HTR7: variants seen among roughly 807,000 people sequenced by gnomAD.
HTR7 encodes 5-HT-7.
A neutral mutation model predicts 34.0 loss-of-function variants in HTR7; 16 were observed. The observed-to-expected ratio is 0.47, with a 90% confidence interval of 0.32 to 0.71. The LOEUF is 0.71. HTR7 is among the 30% of genes least tolerant of loss of function. HTR7 has a pLI of 0.04. For missense variants in HTR7, 504 were observed against 625.5 expected (o/e 0.81, Z 2.07); for synonymous variants, 265 against 260.2 (o/e 1.02, Z -0.18).
At chr10:90,849,363 G>A (rs937943251) in intron 1 of HTR7, among the ~76,000 whole-genome samples, 1 of 151,974 alleles carries the variant, frequency 6.6e-6, no homozygotes, top group Non-Finnish European at 1.5e-5. Context: ...TCAATCTAGA[G>A]GGTTAAACAC....
At chr10:90,743,917 G>A (rs1161152741) in intron 2 of HTR7, 2 of 673,980 alleles carry the variant, frequency 3.0e-6, no homozygotes, top group East Asian at 3.0e-5. Flanking sequence ...AAATTTTCGA[G>A]TGCCTGATGA....
At chr10:90,747,056 G>A (rs187397279) in intron 2 of HTR7, among the ~76,000 whole-genome samples, 24 of 152,196 alleles carry the variant, frequency 1.6e-4, no homozygotes, top group Admixed American at 1.3e-3. Flanking sequence ...TACAAGCATC[G>A]GGGTGATTCA....
Position 90,835,223 on chromosome 10 carries a change from A to C in HTR7, c.539+21910T>G, listed in dbSNP as rs181317327. ...TCTAGGGCTTGGAAAGTAACCCAATAAGCTAAACCATCCCCATGCTGGAGA... is the reference window on the plus strand; with the variant it reads ...TCTAGGGCTTGGAAAGTAACCCAATCAGCTAAACCATCCCCATGCTGGAGA... On this transcript the variant is annotated intron_variant, in intron 1 of 3. Coordinates refer to ENST00000336152, the MANE Select transcript of HTR7 (RefSeq NM_019859.4). Among the ~76,000 whole-genome samples the C allele has an allele frequency of 3.5e-3, 534 of 152,228 alleles. 1 individual carries two copies. The highest frequency in any genetic ancestry group is 5.4e-3 in the Non-Finnish European group (369 of 68,012).
chr10:90,821,653 C>T (rs941266542), intron 1 of HTR7, among the ~76,000 whole-genome samples: 2 of 152,206 alleles, frequency 1.3e-5, no homozygotes, highest in African/African-American at 2.4e-5. Flanking sequence ...AGACACCAAC[C>T]AGTACAGCCA....
intron 1 of HTR7, among the ~76,000 whole-genome samples, chr10:90,782,168 C>T (rs1181449557): frequency 6.6e-6 from 1 of 152,182 alleles, no homozygotes. Flanking sequence ...AGAGACTGCA[C>T]TCAATGCCCC....
intron 1 of HTR7, among the ~76,000 whole-genome samples, chr10:90,764,826 T>C (rs1313932500): frequency 6.6e-6 from 1 of 152,168 alleles, no homozygotes; most frequent in African/African-American, 2.4e-5. Context: ...GTCAAATGCT[T>C]TTTATTCATC....
At chr10:90,808,437 G>A (rs1441354409) in intron 1 of HTR7, among the ~76,000 whole-genome samples, 4 of 151,898 alleles carry the variant, frequency 2.6e-5, no homozygotes, top group Non-Finnish European at 5.9e-5. Flanking sequence ...CTGCTTTTCT[G>A]GGGGAGGGGC....
At chr10:90,792,607 T>C (rs1845476241) in intron 1 of HTR7, among the ~76,000 whole-genome samples, 1 of 152,106 alleles carries the variant, frequency 6.6e-6, no homozygotes, top group Non-Finnish European at 1.5e-5. Context: ...ATTTTTCAAC[T>C]TTACCATTCG....
intron 1 of HTR7, among the ~76,000 whole-genome samples, chr10:90,801,203 T>C (rs953471361): frequency 1.3e-5 from 2 of 152,156 alleles, no homozygotes; most frequent in African/African-American, 4.8e-5. Flanking sequence ...ATTTTGGGAT[T>C]TGGTAGCTGA....
At chr10:90,834,224 C>A (rs149582828) in intron 1 of HTR7, among the ~76,000 whole-genome samples, 16 of 152,294 alleles carry the variant, frequency 1.1e-4, no homozygotes, top group Non-Finnish European at 2.1e-4. Flanking sequence ...CTGGGCTAGG[C>A]CTTAGGTGTG....
intron 1 of HTR7, among the ~76,000 whole-genome samples, chr10:90,830,033 A>G (rs989859993): frequency 6.6e-5 from 10 of 152,250 alleles, no homozygotes; most frequent in Non-Finnish European, 7.3e-5. Flanking sequence ...ATTCAATGCA[A>G]TCCATATCAA....
Position 90,749,210 on chromosome 10 carries a change from G to C in HTR7, c.924C>G (p.Leu308=). 6.2e-7 allele frequency: 1 copy of C among 1,613,994 alleles called. No individual in the cohort carries two copies. The highest frequency in any genetic ancestry group is 8.5e-7 in the Non-Finnish European group (1 of 1,179,980). Residue 308 remains leucine, a synonymous_variant, in exon 2 of 4, where the codon CTC becomes CTG. Coordinates refer to ENST00000336152, the MANE Select transcript of HTR7 (RefSeq NM_019859.4). This position sits in a 1 kb window ranked among gnomAD's most constrained non-coding sequence, Gnocchi z 4.2. Reference sequence around the variant, plus strand: ...AGATGTTTTTCCTTTCATGCTTGAGGAGTCTCGAAAGGTTTGCACACTCTT... The same window carrying C: ...AGATGTTTTTCCTTTCATGCTTGAGCAGTCTCGAAAGGTTTGCACACTCTT... ...EVEECANLSR[L]LKHERKNISI...
rs1047254107 is a variant in HTR7, at chr10:90,811,566, G to A, written c.539+45567C>T. Among the ~76,000 whole-genome samples, 18 of 152,120 alleles carry A rather than the reference G, an allele frequency of 1.2e-4. No homozygotes were observed. The South Asian group carries it at 1.7e-3, about 14-fold the overall frequency. ...ATGCTATAGTACAAGCCACTAGCCC[G>A]CCTCTTAGAACCTCTCATTTCCTTT... On this transcript the variant is annotated intron_variant, in intron 1 of 3. Transcript: ENST00000336152.
Position 90,855,809 on chromosome 10 carries a change from T to C in HTR7, c.539+1324A>G, listed in dbSNP as rs138415343. ...TGTCAGCAGCTTCTACCATGATATA[T>C]AAAATGGTAGAATCAATTTAAAGAA... On this transcript the variant is annotated intron_variant, in intron 1 of 3. Transcript: ENST00000336152. Among the ~76,000 whole-genome samples the C allele has an allele frequency of 2.8e-4, 42 of 152,360 alleles. No homozygotes were observed. The East Asian group carries it at 6.9e-3, about 25-fold the overall frequency.
At chr10:90,802,621 C>T (rs919797680) in intron 1 of HTR7, among the ~76,000 whole-genome samples, 2 of 152,268 alleles carry the variant, frequency 1.3e-5, no homozygotes, top group South Asian at 2.1e-4. Context: ...TAAAAGAATC[C>T]GTAATAGCGT....
intron 1 of HTR7, among the ~76,000 whole-genome samples, chr10:90,779,030 T>C (rs1287231351): frequency 1.3e-5 from 2 of 152,296 alleles, no homozygotes; most frequent in Admixed American, 6.5e-5. Context: ...GTGTGCTAGA[T>C]TGAGGGAGTC....
intron 1 of HTR7, among the ~76,000 whole-genome samples, chr10:90,853,445 C>T (rs183720504): frequency 4.0e-5 from 6 of 151,048 alleles, no homozygotes; most frequent in Non-Finnish European, 8.9e-5. Flanking sequence ...GCCACCATGC[C>T]TGGCTTTTTT....
chr10:90,751,548 G>A (rs566823651), intron 1 of HTR7, among the ~76,000 whole-genome samples: 1 of 152,236 alleles, frequency 6.6e-6, no homozygotes, highest in Admixed American at 6.5e-5. Flanking sequence ...AAGGAGTGAA[G>A]TCCAGCAGGT....
chr10:90,849,066 T>C (rs894536447), intron 1 of HTR7, among the ~76,000 whole-genome samples: 5 of 152,248 alleles, frequency 3.3e-5, no homozygotes, highest in African/African-American at 1.2e-4. Flanking sequence ...TATTTATTCA[T>C]TCTACTACTG....
Sources: gnomAD v4.1 joint callset for allele counts (sites outside exome capture counted in the v4.1 genomes callset) on GRCh38, gnomAD v4.1.1 for gene constraint, Gnocchi (gnomAD v3.1) non-coding constraint, MANE v1.5 for transcripts, NCBI Gene and HGNC (gene_info 2026-07-23, HGNC 2026-07-21) for gene names.